The following WLS variants were observed in gnomAD, a reference collection of about 807,000 sequenced individuals.
WLS encodes Wnt ligand secretion mediator.
In WLS, 23 loss-of-function variants were observed where a neutral mutation model predicts 62.8. That is an observed-to-expected ratio of 0.37 (90% confidence interval 0.26 to 0.52). The LOEUF (loss-of-function observed/expected upper bound fraction) is 0.52, where lower values mean the gene tolerates loss of function less well. Ranked by LOEUF, WLS falls within the 20% of genes least tolerant of loss-of-function variation. The pLI is 0.92. For missense variants in WLS, 615 were observed against 697.3 expected, an observed-to-expected ratio of 0.88 and a Z score of 1.33; for synonymous variants, 246 against 244.1, an observed-to-expected ratio of 1.01 and a Z score of -0.07.
chr1:68,219,493 A>G (rs1423888605), intron 1 of WLS, among the ~76,000 whole-genome samples: 1 of 152,200 alleles, frequency 6.6e-6, no homozygotes, highest in Non-Finnish European at 1.5e-5. Context: ...CCCTCCTCCC[A>G]TTTAAATAAT....
intron 1 of WLS, among the ~76,000 whole-genome samples, chr1:68,196,136 GATTAA>G (rs914745886): frequency 1.3e-4 from 20 of 151,124 alleles, no homozygotes; most frequent in Non-Finnish European, 2.1e-4. Context: ...GGATATTGAA[GATTAA>G]ATTAAATTTA....
intron 11 of WLS, among the ~76,000 whole-genome samples, chr1:68,114,066 A>G (rs192545832): frequency 6.6e-6 from 1 of 152,350 alleles, no homozygotes; most frequent in Admixed American, 6.5e-5. Flanking sequence ...CCAGTAGTGG[A>G]CCTTCTGGCA....
chr1:68,124,237 C>T (rs1314234617), downstream of WLS, among the ~76,000 whole-genome samples: 1 of 152,206 alleles, frequency 6.6e-6, no homozygotes, highest in African/African-American at 2.4e-5. Flanking sequence ...CCTCTCCAGG[C>T]TCCAGTGATC....
At chr1:68,123,205 A>T (rs570874378), downstream of WLS, among the ~76,000 whole-genome samples, 22 of 152,118 alleles carry the variant, frequency 1.4e-4, no homozygotes, top group South Asian at 4.6e-3. Flanking sequence ...TTCTCTGTCT[A>T]CCTTCTGCCC....
chr1:68,162,647 T>C, intron 2 of WLS: 1 of 1,242,272 alleles, frequency 8.0e-7, no homozygotes, highest in Non-Finnish European at 1.2e-6. Flanking sequence ...AGCCATGTGT[T>C]CCTCTGGTAC....
intron 1 of WLS, among the ~76,000 whole-genome samples, chr1:68,200,101 T>C (rs1648919430): frequency 6.6e-6 from 1 of 152,202 alleles, no homozygotes; most frequent in Non-Finnish European, 1.5e-5. Context: ...CAGCACCATT[T>C]TAAAAAGTAA....
At chr1:68,146,088 T>C (rs1185042100) in intron 8 of WLS, 76 bp from the exon 9 acceptor site, 1 of 1,527,106 alleles carries the variant, frequency 6.5e-7, no homozygotes, top group Non-Finnish European at 8.9e-7. Flanking sequence ...TCTCCCCAGG[T>C]CTGTTGGCAA....
At chr1:68,107,642 A>G (rs913415450) in intron 11 of WLS, among the ~76,000 whole-genome samples, 1 of 152,220 alleles carries the variant, frequency 6.6e-6, no homozygotes, top group African/African-American at 2.4e-5. Context: ...GGAAAAAAAC[A>G]TGATCTTCCA....
chr1:68,232,546 G>C, upstream of WLS: 1 of 607,224 alleles, frequency 1.6e-6, no homozygotes, highest in Non-Finnish European at 2.6e-6. Flanking sequence ...GCCTGTGGAC[G>C]CTTAAAGGAG....
At chr1:68,197,648 T>C (rs891696873) in intron 1 of WLS, among the ~76,000 whole-genome samples, 23 of 152,154 alleles carry the variant, frequency 1.5e-4, no homozygotes, top group Admixed American at 1.4e-3. Flanking sequence ...TAAAAGTGAA[T>C]TCCCAAGTGT....
At chr1:68,120,398 C>G (rs986545198), downstream of WLS, among the ~76,000 whole-genome samples, 1 of 152,184 alleles carries the variant, frequency 6.6e-6, no homozygotes, top group Non-Finnish European at 1.5e-5. Flanking sequence ...GTTTTTAAGG[C>G]TGGACTAACA....
intron 2 of WLS, among the ~76,000 whole-genome samples, chr1:68,165,719 A>AG (rs1377849928): frequency 6.6e-6 from 1 of 152,194 alleles, no homozygotes; most frequent in African/African-American, 2.4e-5. Flanking sequence ...CTTCCTGACC[A>AG]GTCACATTTT....
At chr1:68,232,537 C>T, upstream of WLS, 1 of 685,644 alleles carries the variant, frequency 1.5e-6, no homozygotes, top group Non-Finnish European at 2.2e-6. Context: ...CGCTCCGCCG[C>T]CTGTGGACGC....
At chr1:68,145,389 CAG>C (rs1334276504) in intron 9 of WLS, among the ~76,000 whole-genome samples, 1 of 152,116 alleles carries the variant, frequency 6.6e-6, no homozygotes, top group African/African-American at 2.4e-5. Context: ...AATCTATAAA[CAG>C]AGATTACTGA....
chr1:68,164,925 G>A (rs961127882), intron 2 of WLS, among the ~76,000 whole-genome samples: 1 of 152,160 alleles, frequency 6.6e-6, no homozygotes, highest in African/African-American at 2.4e-5. Context: ...CAGCTTGGCA[G>A]AAACAATGTT....
At chr1:68,116,249 G>A (rs922007294) in intron 11 of WLS, among the ~76,000 whole-genome samples, 1 of 152,184 alleles carries the variant, frequency 6.6e-6, no homozygotes, top group Non-Finnish European at 1.5e-5. Context: ...GGGAGGAAGA[G>A]GACAGGGACA....
Position 68,161,771 on chromosome 1 carries a change from G to A in WLS, c.380-2524C>T, listed in dbSNP as rs564514684. 1.0e-5 allele frequency: 16 copies of A among 1,600,216 alleles called. No homozygotes were observed. The South Asian group carries it at 1.8e-4, about 18-fold the overall frequency. On this transcript the variant is annotated intron_variant, in intron 2 of 11. Transcript: ENST00000262348. The stretch of plus-strand genomic sequence containing the variant: ...ATTCTCTGCTATTGCTCGTTGGAGT[G>A]CTCTCGATTGTCCCCGTGTTTTGTG...
chr1:68,170,420 G>A (rs182260005), intron 2 of WLS, among the ~76,000 whole-genome samples: 1 of 151,860 alleles, frequency 6.6e-6, no homozygotes, highest in Non-Finnish European at 1.5e-5. Flanking sequence ...CACCCGCCTC[G>A]GACTCCCAAA....
intron 1 of WLS, among the ~76,000 whole-genome samples, chr1:68,217,860 G>A (rs765753719): frequency 6.6e-6 from 1 of 152,162 alleles, no homozygotes; most frequent in Non-Finnish European, 1.5e-5. Flanking sequence ...ATTAGGCATG[G>A]CAAGGACACA....
Sources: allele counts gnomAD v4.1 joint callset (sites outside exome capture counted in the v4.1 genomes callset), GRCh38; gene constraint gnomAD v4.1.1; transcripts MANE v1.5; gene names NCBI Gene and HGNC (gene_info 2026-07-23, HGNC 2026-07-21).